The following WWC1 variants were observed in gnomAD, a reference collection of about 807,000 sequenced individuals.
WWC1 encodes the protein WW and C2 domain containing 1.
WWC1 carries 55 observed loss-of-function variants against 138.4 expected under a neutral mutation model. The observed-to-expected ratio is 0.40, with a 90% CI of 0.32 to 0.50. WWC1 has a LOEUF of 0.50. Ranked by LOEUF, WWC1 falls within the 20% of genes least tolerant of loss-of-function variation. WWC1 has a pLI of 0.72. For missense variants in WWC1, 1,226 were observed against 1,420.4 expected (o/e 0.86, Z 2.20); for synonymous variants, 524 against 564.9 (o/e 0.93, Z 1.03).
At chr5:168,432,390 T>C (rs1270980031) in intron 15 of WWC1, among the ~76,000 whole-genome samples, 1 of 152,168 alleles carries the variant, frequency 6.6e-6, no homozygotes, top group Admixed American at 6.6e-5. Flanking sequence ...GGGGATGAAG[T>C]AGCCCAAGTA....
At chr5:168,451,974 C>T (rs748002440) in intron 17 of WWC1, among the ~76,000 whole-genome samples, 3 of 144,554 alleles carry the variant, frequency 2.1e-5, no homozygotes, top group Admixed American at 1.4e-4. Context: ...GGCACTCTCT[C>T]GACTCACTGC....
Position 168,414,344 on chromosome 5 carries a change from C to A in WWC1, c.942-4C>A. 1 of 1,612,434 alleles carries A rather than the reference C, an allele frequency of 6.2e-7. No homozygotes were observed. Among genetic ancestry groups the A allele is most frequent in the South Asian group, 1.1e-5 (1 of 90,558 alleles). On this transcript the variant is annotated splice_region_variant and splice_polypyrimidine_tract_variant and intron_variant, in intron 8 of 22. Coordinates refer to ENST00000265293, the MANE Select transcript of WWC1 (RefSeq NM_015238.3). Reference sequence around the variant, plus strand: ...CCAGTCATGCTTGCTTTCTTGGCCCCCAGGATCGCCAACCTGAAGATCCAG... The same window carrying A: ...CCAGTCATGCTTGCTTTCTTGGCCCACAGGATCGCCAACCTGAAGATCCAG...
At chr5:168,410,655 C>T (rs1280938585) in intron 8 of WWC1, among the ~76,000 whole-genome samples, 1 of 152,220 alleles carries the variant, frequency 6.6e-6, no homozygotes, top group Non-Finnish European at 1.5e-5. Context: ...CCTCCCACCT[C>T]AGCCTCCTGA....
At chr5:168,366,911 G>C (rs964634140) in intron 1 of WWC1, among the ~76,000 whole-genome samples, 30 of 144,764 alleles carry the variant, frequency 2.1e-4, no homozygotes, top group Admixed American at 1.2e-3. Flanking sequence ...GATTCTCCTG[G>C]CTCAGCCTCC....
chr5:168,449,895 T>G (rs1193839668), intron 17 of WWC1, among the ~76,000 whole-genome samples: 1 of 152,148 alleles, frequency 6.6e-6, no homozygotes, highest in Non-Finnish European at 1.5e-5. Context: ...TATTTGTAGA[T>G]AGAGAGGCTG....
At position 168,472,005 on chromosome 5, in the gene WWC1, G is replaced by A. The variant is rs1354406810; in HGVS notation, c.*2988G>A. 1 of 152,246 alleles carries A rather than the reference G, an allele frequency of 6.6e-6. No homozygotes were observed. Among genetic ancestry groups the A allele is most frequent in the East Asian group, 1.9e-4 (1 of 5,192 alleles). 9.4% of individuals were successfully genotyped at this position (152,246 alleles called of 1,614,324 possible). On this transcript the variant is annotated 3_prime_UTR_variant, in exon 23 of 23. Coordinates refer to ENST00000265293, the MANE Select transcript of WWC1 (RefSeq NM_015238.3). ...TCTGTGCTCAGTTGTCCCAGCAAGG[G>A]TCAGCCCCTCATACCCCTGCAGCAT...
chr5:168,387,864 G>A (rs1489769736), intron 3 of WWC1, among the ~76,000 whole-genome samples: 3 of 152,188 alleles, frequency 2.0e-5, no homozygotes, highest in African/African-American at 4.8e-5. Flanking sequence ...GAAGGGAGAT[G>A]TTATTGTCCC....
intron 1 of WWC1, among the ~76,000 whole-genome samples, chr5:168,326,216 C>CTTTTTTTTTTTTTTTTTTTTT (rs796347858): frequency 7.1e-5 from 8 of 113,284 alleles, no homozygotes; most frequent in African/African-American, 2.4e-4. Context: ...ACCTGATAGT[C>CTTTTTTTTTTTTTTTTTTTTT]TTTTTTTTTT....
intron 1 of WWC1, among the ~76,000 whole-genome samples, chr5:168,329,136 A>G (rs955047744): frequency 6.6e-6 from 1 of 152,228 alleles, no homozygotes. Flanking sequence ...TATCTCAGTC[A>G]GGAAGAAAGT....
intron 1 of WWC1, among the ~76,000 whole-genome samples, chr5:168,359,074 G>A (rs1022107121): frequency 4.0e-5 from 6 of 149,328 alleles, no homozygotes; most frequent in Non-Finnish European, 7.4e-5. Flanking sequence ...GTGTGTGTTC[G>A]AGACAGACTC....
chr5:168,440,809 G>A (rs971150261), intron 15 of WWC1, among the ~76,000 whole-genome samples: 9 of 152,236 alleles, frequency 5.9e-5, no homozygotes, highest in South Asian at 4.1e-4. Context: ...GAGCCACCGC[G>A]CCCGGCCTGA....
chr5:168,351,691 T>A (rs1331613232), intron 1 of WWC1, among the ~76,000 whole-genome samples: 1 of 152,102 alleles, frequency 6.6e-6, no homozygotes, highest in Admixed American at 6.5e-5. Flanking sequence ...AGAAAGGGAT[T>A]GGGCAGCCCA....
intron 3 of WWC1, among the ~76,000 whole-genome samples, chr5:168,394,209 A>G (rs1466174514): frequency 6.6e-6 from 1 of 152,220 alleles, no homozygotes; most frequent in Non-Finnish European, 1.5e-5. Context: ...TAATGCATGC[A>G]TATAACTAGA....
At chr5:168,462,549 G>T (rs1347524091) in intron 20 of WWC1, among the ~76,000 whole-genome samples, 2 of 152,182 alleles carry the variant, frequency 1.3e-5, no homozygotes, top group African/African-American at 4.8e-5. Context: ...AGATGTTCAT[G>T]GTCCACTCCT....
At chr5:168,311,352 G>A (rs1186127579) in intron 1 of WWC1, among the ~76,000 whole-genome samples, 1 of 152,138 alleles carries the variant, frequency 6.6e-6, no homozygotes, top group Non-Finnish European at 1.5e-5. Context: ...AAGGAATAGC[G>A]GCCCCTGCTG....
intron 1 of WWC1, among the ~76,000 whole-genome samples, chr5:168,335,923 T>G (rs888891): frequency 0.016 from 2,421 of 152,276 alleles, 61 homozygotes; most frequent in African/African-American, 0.055. Flanking sequence ...TTCCTCCCCC[T>G]AAGGGGAGAG....
rs573465044 is a variant in WWC1 at position 168,314,233 on chromosome 5, T to C, written c.119+21962T>C. ...TACAATAAGTTTCCCAGGCAGGGAG[T>C]TGAGCTGGCAAAGTAAGTCACAGGC... is the stretch of plus-strand genomic sequence containing the variant. On this transcript the variant is annotated intron_variant, in intron 1 of 22. Coordinates refer to ENST00000265293, the MANE Select transcript of WWC1 (RefSeq NM_015238.3). 7.3e-5 allele frequency among the ~76,000 whole-genome samples: 11 copies of C among 151,598 alleles called. No individual in the cohort carries two copies. In the South Asian group the frequency reaches 1.7e-3, roughly 23 times the overall value.
At chr5:168,329,760 A>G (rs1358627817) in intron 1 of WWC1, among the ~76,000 whole-genome samples, 5 of 152,176 alleles carry the variant, frequency 3.3e-5, no homozygotes, top group African/African-American at 9.7e-5. Flanking sequence ...ACAATAATTC[A>G]AAGGGTAGAA....
At chr5:168,395,087 C>T (rs1320770431) in intron 3 of WWC1, among the ~76,000 whole-genome samples, 1 of 152,176 alleles carries the variant, frequency 6.6e-6, no homozygotes, top group Non-Finnish European at 1.5e-5. Flanking sequence ...TGGGCATGCC[C>T]AAGGAACACG....
Sources: gnomAD v4.1 joint callset for allele counts (sites outside exome capture counted in the v4.1 genomes callset) on GRCh38, gnomAD v4.1.1 for gene constraint, MANE v1.5 for transcripts, NCBI Gene and HGNC (gene_info 2026-07-23, HGNC 2026-07-21) for gene names.